Variants in SLC25A24 observed in about 807,000 individuals in gnomAD.
SLC25A24 encodes the protein solute carrier family 25 member 24.
SLC25A24 carries 49 observed loss-of-function variants against 60.7 expected under a neutral mutation model. The observed-to-expected ratio is 0.81, with a 90% CI of 0.64 to 1.02. The LOEUF is 1.02. Among genes scored for constraint, SLC25A24 ranks in the 50% least tolerant of loss-of-function variants. SLC25A24 has a pLI of 0.00. For synonymous variants in SLC25A24, 202 were observed against 200.6 expected (o/e 1.01, Z -0.06); for missense variants, 564 against 586.3 (o/e 0.96, Z 0.39).
chr1:108,161,402 T>A, intron 3 of SLC25A24, 109 bp from the exon 4 acceptor site: 1 of 663,498 alleles, frequency 1.5e-6, no homozygotes, highest in Non-Finnish European at 2.6e-6. Flanking sequence ...AATATTCTCA[T>A]TAAATTAAAA....
intron 3 of SLC25A24, among the ~76,000 whole-genome samples, chr1:108,166,884 C>CT (rs1373349143): frequency 2.6e-5 from 4 of 152,080 alleles, no homozygotes; most frequent in Non-Finnish European, 5.9e-5. Flanking sequence ...TTAGAGTTTC[C>CT]AGTTTTTCTG....
chr1:108,179,438 A>G (rs1420853229), intron 3 of SLC25A24, among the ~76,000 whole-genome samples: 5 of 152,190 alleles, frequency 3.3e-5, no homozygotes, highest in Admixed American at 1.3e-4. Flanking sequence ...AATGAAATCA[A>G]TATGTCAAAG....
chr1:108,135,262 C>T lies in SLC25A24; in HGVS notation c.*1391G>A, dbSNP rs1679251486. The T allele has an allele frequency of 6.6e-6, 1 of 152,360 alleles. No homozygotes were observed. The highest frequency in any genetic ancestry group is 1.5e-5 in the Non-Finnish European group (1 of 67,954). The allele number at this position is 152,360 out of a possible 1,614,324, so 9.4% of individuals were successfully genotyped here. ...TAAAAATGTTTCACAAACACCAGTC[C>T]ATCTTTCTCTTTGGTTCAGAAAATA... is the stretch of plus-strand genomic sequence containing the variant. On this transcript the variant is annotated 3_prime_UTR_variant, in exon 10 of 10. Coordinates refer to ENST00000565488, the MANE Select transcript of SLC25A24 (RefSeq NM_013386.5).
At position 108,161,184 on chromosome 1, in the gene SLC25A24, T is replaced by A; in HGVS notation, c.508A>T (p.Thr170Ser). 1 of 1,465,064 alleles carries A rather than the reference T, an allele frequency of 6.8e-7. No individual in the cohort carries two copies. Among genetic ancestry groups the A allele is most frequent in the Non-Finnish European group, 9.6e-7 (1 of 1,045,796 alleles). The allele number at this position is 1,465,064 out of a possible 1,614,324, so 90.8% of individuals were successfully genotyped here. The change falls in exon 4 of 10, where the codon ACA becomes TCA. Residue 170 changes from threonine (T) to serine (S), a missense_variant and splice_region_variant. Physicochemically the swap from Thr to Ser is moderately conservative, Grantham distance 58. Coordinates refer to ENST00000565488, the MANE Select transcript of SLC25A24 (RefSeq NM_013386.5). Reference protein sequence around the residue: ...EEIIRFWKHSTGIDIGDSLTI... With the variant: ...EEIIRFWKHSSGIDIGDSLTI... The stretch of plus-strand genomic sequence containing the variant: ...ATAAATACATAAAGTAGACTTACTG[T>A]AGAATGTTTCCAGAAACGGATAATT...
intron 5 of SLC25A24, among the ~76,000 whole-genome samples, chr1:108,157,157 G>A (rs1331006807): frequency 6.6e-6 from 1 of 152,092 alleles, no homozygotes; most frequent in Admixed American, 6.5e-5. Flanking sequence ...TTAAAAAGAA[G>A]GAAACTATAA....
chr1:108,198,455 C>G (rs1483691922), intron 1 of SLC25A24: 2 of 152,190 alleles, frequency 1.3e-5, no homozygotes, highest in Non-Finnish European at 1.5e-5. Context: ...ACGAAAGTAA[C>G]TGGACCAGAA....
In SLC25A24 at chr1:108,200,249, G is replaced by A. The variant is rs1648624388; in HGVS notation, c.-111C>T. 9.4e-7 allele frequency: 1 copy of A among 1,060,378 alleles called. No individual in the cohort carries two copies. The highest frequency in any genetic ancestry group is 1.2e-6 in the Non-Finnish European group (1 of 808,694). The allele number at this position is 1,060,378 out of a possible 1,614,324, so 65.7% of individuals were successfully genotyped here. On this transcript the variant is annotated 5_prime_UTR_variant, in exon 1 of 10. Transcript: ENST00000565488. ...GCTGGGCGGGGCGCGCGGCGCAACA[G>A]CGTTTGGGGCGCCGTCGGGGTTGCG...
At chr1:108,191,034 A>G (rs1363636839) in intron 1 of SLC25A24, among the ~76,000 whole-genome samples, 2 of 140,792 alleles carry the variant, frequency 1.4e-5, no homozygotes, top group African/African-American at 4.9e-5. Context: ...TAGCTAACCC[A>G]GAATTTCTTA....
chr1:108,159,726 A>C (rs1243225505), intron 4 of SLC25A24, among the ~76,000 whole-genome samples: 3 of 151,632 alleles, frequency 2.0e-5, no homozygotes, highest in South Asian at 2.1e-4. Flanking sequence ...CACCGCCCTT[A>C]ATCCATTTAA....
chr1:108,143,519 T>C lies in SLC25A24; in HGVS notation c.1098+24A>G, dbSNP rs1309132177. The C allele has an allele frequency of 2.5e-6, 4 of 1,588,112 alleles. No homozygotes were observed. The East Asian group carries it at 6.7e-5, about 27-fold the overall frequency. ...AACAAGATCTAACTGCATTTTCCAA[T>C]TCAAAAGATTTCTACAAACTCACCT... is the stretch of plus-strand genomic sequence containing the variant. On this transcript the variant is annotated intron_variant, in intron 8 of 9. Coordinates refer to ENST00000565488, the MANE Select transcript of SLC25A24 (RefSeq NM_013386.5).
chr1:108,176,208 T>C (rs1025399986), intron 3 of SLC25A24, among the ~76,000 whole-genome samples: 4 of 151,736 alleles, frequency 2.6e-5, no homozygotes, highest in African/African-American at 7.3e-5. Context: ...ACAGAAATCA[T>C]GGGGCTGAAA....
At chr1:108,163,753 T>G (rs1680161798) in intron 3 of SLC25A24, among the ~76,000 whole-genome samples, 1 of 151,808 alleles carries the variant, frequency 6.6e-6, no homozygotes, top group South Asian at 2.1e-4. Context: ...ACAATTTGAC[T>G]TCCTCTTTTC....
chr1:108,141,668 T>G (rs1261075212), intron 8 of SLC25A24, among the ~76,000 whole-genome samples: 1 of 152,146 alleles, frequency 6.6e-6, no homozygotes, highest in Non-Finnish European at 1.5e-5. Flanking sequence ...CCCAACAAAT[T>G]ATTATTCAGC....
intron 3 of SLC25A24, among the ~76,000 whole-genome samples, chr1:108,169,035 CT>C (rs1647347044): frequency 6.6e-6 from 1 of 152,154 alleles, no homozygotes; most frequent in Non-Finnish European, 1.5e-5. Flanking sequence ...TCCTTTTTGT[CT>C]GCATGAGCAC....
Position 108,136,973 on chromosome 1 carries a change from TC to T in SLC25A24, c.1250-137del, listed in dbSNP as rs1679307066. The T allele has an allele frequency of 7.5e-6, 6 of 796,700 alleles. No homozygotes were observed. The East Asian group carries it at 1.6e-4, about 21-fold the overall frequency. 49.4% of individuals were successfully genotyped at this position (796,700 alleles called of 1,614,324 possible). A position where few individuals can be genotyped will look rare whatever the true frequency, so the allele number is the denominator to read the frequency against. On this transcript the variant is annotated intron_variant, in intron 9 of 9. Transcript: ENST00000565488. ...TTATTCCAAGAAGCCCAAGACAACATCCCTTTTATGATCCTCTTTGTATAGC... is the reference window on the plus strand; with the variant it reads ...TTATTCCAAGAAGCCCAAGACAACATCCTTTTATGATCCTCTTTGTATAGC...
chr1:108,178,596 C>T (rs1019112473), intron 3 of SLC25A24, among the ~76,000 whole-genome samples: 2 of 152,096 alleles, frequency 1.3e-5, no homozygotes, highest in Admixed American at 6.5e-5. Context: ...GGGCAGATCA[C>T]GAGGCCAGGA....
At chr1:108,185,485 C>A (rs1254396285) in intron 2 of SLC25A24, among the ~76,000 whole-genome samples, 4 of 152,054 alleles carry the variant, frequency 2.6e-5, no homozygotes, top group African/African-American at 9.7e-5. Context: ...TCTCATTTTA[C>A]CCAGAGGACA....
At chr1:108,199,927 G>A (rs1269224043) in intron 1 of SLC25A24, 29 bp downstream of exon 1, 5 of 1,573,470 alleles carry the variant, frequency 3.2e-6, no homozygotes, top group East Asian at 4.6e-5. Flanking sequence ...CCCTCCCTAC[G>A]CTCAGGCGGC....
chr1:108,151,915 T>A (rs1434569564), intron 6 of SLC25A24, among the ~76,000 whole-genome samples: 2 of 152,224 alleles, frequency 1.3e-5, no homozygotes, highest in Non-Finnish European at 2.9e-5. Context: ...AGTCAGTCAG[T>A]GAGTTCTGTT....
Sources: gnomAD v4.1 joint callset for allele counts (sites outside exome capture counted in the v4.1 genomes callset) on GRCh38, gnomAD v4.1.1 for gene constraint, MANE v1.5 for transcripts, NCBI Gene and HGNC (gene_info 2026-07-23, HGNC 2026-07-21) for gene names.